Variants in PCDHGB2 observed in about 807,000 individuals in gnomAD.
PCDHGB2 encodes the protein protocadherin gamma-B2.
PCDHGB2 carries 55 observed loss-of-function variants against 59.3 expected under a neutral mutation model. That is an observed-to-expected ratio of 0.93 (90% CI 0.75 to 1.16). PCDHGB2 has a LOEUF of 1.16. PCDHGB2 is among the 50% of genes most tolerant of loss of function. The pLI, the probability that PCDHGB2 is intolerant of heterozygous loss-of-function variation, is 0.00. For missense variants in PCDHGB2, 1,228 were observed against 1,198.5 expected (o/e 1.02, Z -0.36); for synonymous variants, 516 against 512.0 (o/e 1.01, Z -0.11).
intron 1 of PCDHGB2, among the ~76,000 whole-genome samples, chr5:141,481,692 G>T (rs1231630072): frequency 6.6e-6 from 1 of 152,020 alleles, no homozygotes; most frequent in African/African-American, 2.4e-5. Context: ...GGTGGCTCAC[G>T]CCTGTAATCC....
rs147674746 is a variant in PCDHGB2, at chr5:141,477,348, C to G, written c.2422-17459C>G. 7 of 1,614,180 alleles carry G rather than the reference C, an allele frequency of 4.3e-6. No individual in the cohort carries two copies. Among genetic ancestry groups the G allele is most frequent in the Non-Finnish European group, 5.9e-6 (7 of 1,180,030 alleles). ...CTCAAGAATTACTTCACTTTGAAAA[C>G]CAGTGCAGACCTGGATCGGGAGACT... is the stretch of plus-strand genomic sequence containing the variant. On this transcript the variant is annotated intron_variant, in intron 1 of 3. Transcript: ENST00000522605. The surrounding 1 kb of genome is among the most constrained non-coding windows in gnomAD (Gnocchi z 4.9).
chr5:141,415,067 G>A, intron 1 of PCDHGB2: 1 of 1,613,398 alleles, frequency 6.2e-7, no homozygotes, highest in Non-Finnish European at 8.5e-7. Context: ...GGCGAGGTGC[G>A]CACGGCGCGA....
intron 1 of PCDHGB2, chr5:141,430,691 G>A (rs1479214920): frequency 7.1e-7 from 1 of 1,416,592 alleles, no homozygotes; most frequent in Non-Finnish European, 9.4e-7. Context: ...CCATTCTATG[G>A]GCGAAGGAAC....
At chr5:141,376,678 T>C in intron 1 of PCDHGB2, 2 of 277,706 alleles carry the variant, frequency 7.2e-6, no homozygotes, top group East Asian at 7.3e-5. Flanking sequence ...AGGGTATCGT[T>C]TTTTTTTTTT....
At chr5:141,507,798 GCCCT>G (rs2099863561) in intron 3 of PCDHGB2, among the ~76,000 whole-genome samples, 1 of 152,188 alleles carries the variant, frequency 6.6e-6, no homozygotes, top group Admixed American at 6.5e-5. Context: ...CTAAGCCTGC[GCCCT>G]GGGGAACGGA....
chr5:141,449,930 A>G (rs1353778264), intron 1 of PCDHGB2, among the ~76,000 whole-genome samples: 1 of 151,614 alleles, frequency 6.6e-6, no homozygotes, highest in East Asian at 1.9e-4. Context: ...ACCATACCTT[A>G]TAGTATATTT....
chr5:141,424,966 T>G (rs913951031), intron 1 of PCDHGB2, among the ~76,000 whole-genome samples: 17 of 152,174 alleles, frequency 1.1e-4, no homozygotes, highest in African/African-American at 3.9e-4. Flanking sequence ...TTGCCCCAAA[T>G]TACTTGGATA....
chr5:141,400,235 T>G, intron 1 of PCDHGB2: 4 of 1,614,006 alleles, frequency 2.5e-6, no homozygotes, highest in Non-Finnish European at 3.4e-6. Context: ...CTCCTGGCCG[T>G]GATTCTGGCC....
Position 141,415,335 on chromosome 5 carries a change from G to T in PCDHGB2, c.2421+52779G>T, listed in dbSNP as rs779617513. On this transcript the variant is annotated intron_variant, in intron 1 of 3. Coordinates refer to ENST00000522605, the MANE Select transcript of PCDHGB2 (RefSeq NM_018923.3). ...TCATCGTGCTGCTGGCGCACAGGCT[G>T]CGGCGCTGGCACAAGTCACGCCTGC... The T allele has an allele frequency of 4.3e-6, 7 of 1,614,110 alleles. No homozygotes were observed. The Admixed American group carries it at 1.2e-4, about 27-fold the overall frequency.
At chr5:141,409,952 C>T (rs892751686) in intron 1 of PCDHGB2, 2 of 1,613,232 alleles carry the variant, frequency 1.2e-6, no homozygotes, top group Non-Finnish European at 1.7e-6. Context: ...CTCTGCAGAG[C>T]CCGGCTACCT....
At chr5:141,402,491 A>T (rs1186098298) in intron 1 of PCDHGB2, among the ~76,000 whole-genome samples, 1 of 152,242 alleles carries the variant, frequency 6.6e-6, no homozygotes, top group Non-Finnish European at 1.5e-5. Flanking sequence ...TCTACCAAGA[A>T]TAAGAATAAA....
At chr5:141,423,228 CA>C in intron 1 of PCDHGB2, 1 of 1,613,866 alleles carries the variant, frequency 6.2e-7, no homozygotes, top group Non-Finnish European at 8.5e-7. Flanking sequence ...CTGTGGCCGA[CA>C]GCATCCCCGA....
chr5:141,448,621 T>C (rs2098597629), intron 1 of PCDHGB2, among the ~76,000 whole-genome samples: 1 of 152,168 alleles, frequency 6.6e-6, no homozygotes, highest in Admixed American at 6.5e-5. Flanking sequence ...TATATCTTCC[T>C]TTCTTCACAT....
At position 141,393,422 on chromosome 5, in the gene PCDHGB2, G is replaced by C. The variant is rs552855100; in HGVS notation, c.2421+30866G>C. 12 of 1,614,042 alleles carry C rather than the reference G, an allele frequency of 7.4e-6. No individual in the cohort carries two copies. The East Asian group carries it at 2.7e-4, about 36-fold the overall frequency. On this transcript the variant is annotated intron_variant, in intron 1 of 3. Coordinates refer to ENST00000522605, the MANE Select transcript of PCDHGB2 (RefSeq NM_018923.3). ...TGCTGGAGCGCGCCCTGGACAGGGA[G>C]GAAGAGGCTGCTCACCACCTGGTCC...
At chr5:141,409,013 G>T in intron 1 of PCDHGB2, 1 of 1,613,998 alleles carries the variant, frequency 6.2e-7, no homozygotes. Flanking sequence ...TGACCAGGAT[G>T]AGGGGGTCAA....
In PCDHGB2 at chr5:141,362,306, G is replaced by T. The variant is rs368350867; in HGVS notation, c.2171G>T (p.Trp724Leu). Reference sequence around the variant, plus strand: ...CGACTCTCTTCCAGGTCAGATGCTTGGGACTGTTTTCAGCCTGGTCTCAGC... The same window carrying T: ...CGACTCTCTTCCAGGTCAGATGCTTTGGACTGTTTTCAGCCTGGTCTCAGC... Reference protein sequence around the residue: ...RLRLSSRSDAWDCFQPGLSSK... With the variant: ...RLRLSSRSDALDCFQPGLSSK... Residue 724 changes from tryptophan (W) to leucine (L), a missense_variant, in exon 1 of 4, where the codon TGG (tryptophan) becomes TTG (leucine). Coordinates refer to ENST00000522605, the MANE Select transcript of PCDHGB2 (RefSeq NM_018923.3). 5.0e-6 allele frequency: 8 copies of T among 1,613,932 alleles called. No individual in the cohort carries two copies. The highest frequency in any genetic ancestry group is 5.9e-6 in the Non-Finnish European group (7 of 1,179,914).
chr5:141,383,105 G>C (rs775672220), intron 1 of PCDHGB2: 7 of 1,614,030 alleles, frequency 4.3e-6, no homozygotes, highest in Non-Finnish European at 5.9e-6. Flanking sequence ...ATCATCTCCA[G>C]AGGTAGGACG....
At chr5:141,507,450 CAGAG>C (rs940460926) in intron 3 of PCDHGB2, among the ~76,000 whole-genome samples, 1 of 152,170 alleles carries the variant, frequency 6.6e-6, no homozygotes, top group African/African-American at 2.4e-5. Flanking sequence ...GACGGAAGGA[CAGAG>C]AGAGAGGTGG....
In PCDHGB2 at chr5:141,386,663, G is replaced by T. The variant is rs532080624; in HGVS notation, c.2421+24107G>T. On this transcript the variant is annotated intron_variant, in intron 1 of 3. Transcript: ENST00000522605. ...GGATACATTTTACAAGTTCTGCAGT[G>T]TTCACATTTCAGATGTACAATCACT... Among the ~76,000 whole-genome samples, 44 of 152,044 alleles carry T rather than the reference G, an allele frequency of 2.9e-4. No homozygotes were observed. In the South Asian group the frequency reaches 5.4e-3, roughly 19 times the overall value.
Sources: allele counts gnomAD v4.1 joint callset (sites outside exome capture counted in the v4.1 genomes callset), GRCh38; gene constraint gnomAD v4.1.1; non-coding constraint Gnocchi (gnomAD v3.1); transcripts MANE v1.5; gene names NCBI Gene and HGNC (gene_info 2026-07-23, HGNC 2026-07-21).